PLEKHB2: variants seen among roughly 807,000 people sequenced by gnomAD.
PLEKHB2 encodes the protein pleckstrin homology domain-containing family B member 2.
A neutral mutation model predicts 36.5 loss-of-function variants in PLEKHB2; 31 were observed. That is an observed-to-expected ratio of 0.85 (90% CI 0.64 to 1.15). The LOEUF (loss-of-function observed/expected upper bound fraction) is 1.15, where lower values mean the gene tolerates loss of function less well. Among genes scored for constraint, PLEKHB2 ranks in the 50% most tolerant of loss-of-function variants. The pLI is 0.00. For synonymous variants in PLEKHB2, 119 were observed against 112.0 expected, an observed-to-expected ratio of 1.06 and a Z score of -0.39; for missense variants, 262 against 295.3, an observed-to-expected ratio of 0.89 and a Z score of 0.83.
At chr2:131,119,734 G>C (rs1002874863) in intron 1 of PLEKHB2, among the ~76,000 whole-genome samples, 2 of 152,216 alleles carry the variant, frequency 1.3e-5, no homozygotes, top group South Asian at 4.1e-4. Context: ...GTGTCTTGGA[G>C]GTTTTCATTT....
At chr2:131,118,066 A>G (rs1343323644) in intron 1 of PLEKHB2, among the ~76,000 whole-genome samples, 1 of 152,140 alleles carries the variant, frequency 6.6e-6, no homozygotes. Context: ...GTCTTGGGTA[A>G]GGGTGGGTTT....
rs146058029 is a variant in PLEKHB2, at chr2:131,121,409, C to G, written c.37+431C>G. Among the ~76,000 whole-genome samples, 41 of 151,746 alleles carry G rather than the reference C, an allele frequency of 2.7e-4. No homozygotes were observed. In the South Asian group the frequency reaches 8.4e-3, roughly 31 times the overall value. ...GATCACAGGCACACACCACCATGCCCGGCTAATTTTGTATTTTTAGTAGAG... is the reference window on the plus strand; with the variant it reads ...GATCACAGGCACACACCACCATGCCGGGCTAATTTTGTATTTTTAGTAGAG... On this transcript the variant is annotated intron_variant, in intron 2 of 7. Coordinates refer to ENST00000693505, the MANE Select transcript of PLEKHB2 (RefSeq NM_001100623.2).
intron 2 of PLEKHB2, among the ~76,000 whole-genome samples, chr2:131,122,178 G>A (rs919685380): frequency 1.3e-5 from 2 of 152,138 alleles, no homozygotes; most frequent in African/African-American, 4.8e-5. Context: ...TACAGGCAAA[G>A]TGCTGGGATT....
intron 2 of PLEKHB2, among the ~76,000 whole-genome samples, chr2:131,124,393 G>A (rs1261349296): frequency 6.6e-6 from 1 of 152,242 alleles, no homozygotes; most frequent in East Asian, 1.9e-4. Context: ...AGAAGGTGTA[G>A]TGGGCAGTGA....
At position 131,130,704 on chromosome 2, in the gene PLEKHB2, C is replaced by G. The variant is rs1360906912; in HGVS notation, c.294-17C>G. On this transcript the variant is annotated splice_polypyrimidine_tract_variant and intron_variant, in intron 4 of 7. Coordinates refer to ENST00000693505, the MANE Select transcript of PLEKHB2 (RefSeq NM_001100623.2). ...GTTGGATTGCCTTAAATAAAGTACCCTTTTTCTTTTCTCCAGGGCCTGGAA... is the reference window on the plus strand; with the variant it reads ...GTTGGATTGCCTTAAATAAAGTACCGTTTTTCTTTTCTCCAGGGCCTGGAA... 1 of 1,592,156 alleles carries G rather than the reference C, an allele frequency of 6.3e-7. No individual in the cohort carries two copies. Among genetic ancestry groups the G allele is most frequent in the Non-Finnish European group, 8.6e-7 (1 of 1,160,416 alleles).
intron 6 of PLEKHB2, among the ~76,000 whole-genome samples, 171 bp from the exon 7 acceptor site, chr2:131,139,996 G>C (rs892750448): frequency 6.6e-6 from 1 of 152,032 alleles, no homozygotes; most frequent in African/African-American, 2.4e-5. Flanking sequence ...TGTAGCTTTT[G>C]TTTGTTTTTT....
In PLEKHB2 at chr2:131,122,086, C is replaced by T. The variant is rs574224532; in HGVS notation, c.37+1108C>T. Reference sequence around the variant, plus strand: ...GCTAATTTTGTATTTTTAGTAGAGACGGAGTTTCTCCATGTTGAGCCTGGT... The same window carrying T: ...GCTAATTTTGTATTTTTAGTAGAGATGGAGTTTCTCCATGTTGAGCCTGGT... On this transcript the variant is annotated intron_variant, in intron 2 of 7. Coordinates refer to ENST00000693505, the MANE Select transcript of PLEKHB2 (RefSeq NM_001100623.2). Among the ~76,000 whole-genome samples, 34 of 152,074 alleles carry T rather than the reference C, an allele frequency of 2.2e-4. 1 individual carries two copies. The South Asian group carries it at 2.7e-3, about 12-fold the overall frequency.
At chr2:131,137,168 C>G (rs563887658) in intron 6 of PLEKHB2, among the ~76,000 whole-genome samples, 5 of 149,046 alleles carry the variant, frequency 3.4e-5, no homozygotes, top group Admixed American at 6.6e-5. Flanking sequence ...AGGACGGTCT[C>G]GATCTCCTGA....
chr2:131,141,075 G>C (rs944950923), intron 7 of PLEKHB2, among the ~76,000 whole-genome samples: 1 of 152,204 alleles, frequency 6.6e-6, no homozygotes, highest in African/African-American at 2.4e-5. Context: ...TGGGAGACGA[G>C]CTGGTACCAG....
At chr2:131,142,132 T>C (rs1331006527) in intron 7 of PLEKHB2, among the ~76,000 whole-genome samples, 4 of 152,154 alleles carry the variant, frequency 2.6e-5, no homozygotes, top group Non-Finnish European at 5.9e-5. Flanking sequence ...GGCACATCTT[T>C]GGGATGGGAA....
At chr2:131,137,935 T>G (rs886396550) in intron 6 of PLEKHB2, among the ~76,000 whole-genome samples, 1 of 152,018 alleles carries the variant, frequency 6.6e-6, no homozygotes, top group African/African-American at 2.4e-5. Context: ...TTGAGTGCTT[T>G]TCCAACCTCA....
chr2:131,146,778 C>T lies in PLEKHB2; in HGVS notation c.*5C>T, dbSNP rs1247120560. 1 of 1,596,558 alleles carries T rather than the reference C, an allele frequency of 6.3e-7. No individual in the cohort carries two copies. Among genetic ancestry groups the T allele is most frequent in the Non-Finnish European group, 8.5e-7 (1 of 1,171,282 alleles). On this transcript the variant is annotated 3_prime_UTR_variant, in exon 8 of 8. Coordinates refer to ENST00000693505, the MANE Select transcript of PLEKHB2 (RefSeq NM_001100623.2). ...TCTCTATTTTGGGTCTTCTAGGGGCCTCAAGGTCTTGATGTGCATAGCTTC... is the reference window on the plus strand; with the variant it reads ...TCTCTATTTTGGGTCTTCTAGGGGCTTCAAGGTCTTGATGTGCATAGCTTC...
chr2:131,105,979 G>C (rs1694682993), intron 1 of PLEKHB2, among the ~76,000 whole-genome samples: 1 of 152,094 alleles, frequency 6.6e-6, no homozygotes, highest in African/African-American at 2.4e-5. Context: ...CTTTACCCTC[G>C]CGGTGCGGTC....
chr2:131,119,965 T>G (rs1411643924), intron 1 of PLEKHB2, among the ~76,000 whole-genome samples: 1 of 151,694 alleles, frequency 6.6e-6, no homozygotes, highest in Admixed American at 6.6e-5. Context: ...ATATTTCTTC[T>G]TCTTCTTTTT....
chr2:131,126,936 CT>C (rs1573577295), intron 4 of PLEKHB2, 150 bp downstream of exon 4: 2 of 596,058 alleles, frequency 3.4e-6, no homozygotes, highest in Non-Finnish European at 5.9e-6. Flanking sequence ...GCAAGAGTCG[CT>C]TTTCCAATTC....
rs781285639 is a variant in PLEKHB2, at chr2:131,146,660, A to C, written c.556A>C (p.Asn186His). ...AGGACTTTATGGACAGCAGCCTGCT[A>C]ACCAAGTCATCATTCGAGAGCGCTA... Reference protein sequence around the residue: ...YAGLYGQQPANQVIIRERYRD... With the variant: ...YAGLYGQQPAHQVIIRERYRD... The change falls in exon 8 of 8, where the codon AAC (asparagine) becomes CAC (histidine). Residue 186 changes from asparagine (N) to histidine (H), a missense_variant. Transcript: ENST00000693505. 6.2e-7 allele frequency: 1 copy of C among 1,613,542 alleles called. No homozygotes were observed. The highest frequency in any genetic ancestry group is 8.5e-7 in the Non-Finnish European group (1 of 1,179,822).
At chr2:131,108,117 G>C (rs956236489) in intron 1 of PLEKHB2, 4 of 152,192 alleles carry the variant, frequency 2.6e-5, no homozygotes, top group African/African-American at 9.7e-5. Flanking sequence ...GGTCATACTA[G>C]TGAGTAGAAG....
At position 131,149,591 on chromosome 2, in the gene PLEKHB2, G is replaced by A. The variant is rs1017877361; in HGVS notation, c.*2818G>A. The A allele has an allele frequency of 1.3e-5, 2 of 152,212 alleles. No homozygotes were observed. The highest frequency in any genetic ancestry group is 6.5e-5 in the Admixed American group (1 of 15,284). The allele number at this position is 152,212 out of a possible 1,614,324, so 9.4% of individuals were successfully genotyped here. On this transcript the variant is annotated 3_prime_UTR_variant, in exon 8 of 8. Transcript: ENST00000693505. ...ATCTGGATCATAAGAAGGTCCTGCA[G>A]TTGAGACAAAATGACCCAAGTGTAT...
At chr2:131,120,880 C>T in intron 1 of PLEKHB2, 54 bp from the exon 2 acceptor site, 2 of 1,554,700 alleles carry the variant, frequency 1.3e-6, no homozygotes, top group East Asian at 4.5e-5. Flanking sequence ...TCGGGCCGGA[C>T]AGGCTATTCT....
Sources: allele counts gnomAD v4.1 joint callset (sites outside exome capture counted in the v4.1 genomes callset), GRCh38; gene constraint gnomAD v4.1.1; transcripts MANE v1.5; gene names NCBI Gene and HGNC (gene_info 2026-07-23, HGNC 2026-07-21).